Variants in SDR42E2 observed in about 807,000 individuals in gnomAD.
SDR42E2 encodes putative short-chain dehydrogenase/reductase family 42E member 2.
Under a neutral mutation model 10.5 loss-of-function variants are expected in SDR42E2, and 20 were observed. That is an observed-to-expected ratio of 1.90 (90% CI 1.34 to 2.77). The LOEUF (loss-of-function observed/expected upper bound fraction) is 2.77, where lower values mean the gene tolerates loss of function less well. Ranked by LOEUF, SDR42E2 falls within the 30% of genes most tolerant of loss-of-function variation. The pLI is 0.00. For synonymous variants in SDR42E2, 72 were observed against 39.2 expected, an observed-to-expected ratio of 1.84 and a Z score of -3.12; for missense variants, 162 against 104.2, an observed-to-expected ratio of 1.55 and a Z score of -2.42.
At chr16:22,179,883 T>C (rs2046678559) in intron 8 of SDR42E2, among the ~76,000 whole-genome samples, 1 of 150,326 alleles carries the variant, frequency 6.7e-6, no homozygotes, top group Admixed American at 6.6e-5. Flanking sequence ...GGTGAGGGAA[T>C]TGGGCTTGTC....
intron 7 of SDR42E2, among the ~76,000 whole-genome samples, chr16:22,173,071 T>A (rs1388637676): frequency 1.3e-5 from 2 of 152,126 alleles, no homozygotes; most frequent in African/African-American, 2.4e-5. Context: ...TGAGCCACCA[T>A]GCCTGGCCTT....
At chr16:22,164,506 CTA>C (rs2046519973) in intron 1 of SDR42E2, among the ~76,000 whole-genome samples, 1 of 152,148 alleles carries the variant, frequency 6.6e-6, no homozygotes, top group African/African-American at 2.4e-5. Flanking sequence ...CTGCAGTGAG[CTA>C]TGATTGTGCC....
At position 22,177,765 on chromosome 16, in the gene SDR42E2, A is replaced by G. The variant is rs971745829; in HGVS notation, c.590-365A>G. On this transcript the variant is annotated intron_variant, in intron 7 of 12. Transcript: ENST00000602312. ...ACAGTAGTACTCTCAAGGGGCATCA[A>G]AGAAAATCACTCTGCCGAGTGCTTG... Among the ~76,000 whole-genome samples the G allele has an allele frequency of 2.6e-5, 4 of 152,202 alleles. No individual in the cohort carries two copies. In the South Asian group the frequency reaches 8.3e-4, roughly 31 times the overall value.
intron 11 of SDR42E2, among the ~76,000 whole-genome samples, chr16:22,185,174 T>G (rs1421526475): frequency 6.6e-6 from 1 of 152,108 alleles, no homozygotes; most frequent in Non-Finnish European, 1.5e-5. Flanking sequence ...AATGGCCTCC[T>G]CCCAGCTGGA....
At chr16:22,189,535 T>C (rs1179145592) in intron 12 of SDR42E2, among the ~76,000 whole-genome samples, 1 of 152,164 alleles carries the variant, frequency 6.6e-6, no homozygotes, top group Admixed American at 6.5e-5. Context: ...ATAGCTATCA[T>C]TACTACCCTT....
rs1237514561 is a variant in SDR42E2 at position 22,178,085 on chromosome 16, G to A, written c.590-45G>A. On this transcript the variant is annotated intron_variant, in intron 7 of 12. Transcript: ENST00000602312. ...TGGCCTCTCTCTCCCTCTCCCTGTG[G>A]GCTGCTCCTCCCCTGACCCCTGACC... 11 of 694,746 alleles carry A rather than the reference G, an allele frequency of 1.6e-5. No individual in the cohort carries two copies. In the East Asian group the frequency reaches 3.0e-4, roughly 19 times the overall value. 43.0% of individuals were successfully genotyped at this position (694,746 alleles called of 1,614,324 possible). A position where few individuals can be genotyped will look rare whatever the true frequency, so the allele number is the denominator to read the frequency against.
intron 12 of SDR42E2, among the ~76,000 whole-genome samples, chr16:22,188,297 A>AG (rs371960651): frequency 7.9e-5 from 12 of 152,262 alleles, no homozygotes; most frequent in African/African-American, 2.9e-4. Context: ...GGGGAGTCAG[A>AG]GGGGGAGAGT....
At chr16:22,172,059 T>A (rs2046605983) in intron 6 of SDR42E2, among the ~76,000 whole-genome samples, 197 bp from the exon 7 acceptor site, 1 of 152,160 alleles carries the variant, frequency 6.6e-6, no homozygotes, top group African/African-American at 2.4e-5. Context: ...CCGAACCCAG[T>A]GCTCCTCTGC....
chr16:22,169,486 C>A lies in SDR42E2; in HGVS notation c.378C>A (p.Thr126=). The change falls in exon 5 of 13, where the codon ACC becomes ACA. Residue 126 remains threonine, a synonymous_variant. Transcript: ENST00000602312. ...TTGAGTCTATAAATGTTGGAGGCAC[C>A]AAACTAGTGATTGATGGTAGGTGCT... ...EQIESINVGG[T]KLVIDVCVRR... The A allele has an allele frequency of 2.8e-6, 2 of 703,544 alleles. No homozygotes were observed. Among genetic ancestry groups the A allele is most frequent in the Non-Finnish European group, 5.2e-6 (2 of 385,128 alleles). The allele number at this position is 703,544 out of a possible 1,614,324, so 43.6% of individuals were successfully genotyped here.
chr16:22,173,250 T>G (rs549371319), intron 7 of SDR42E2, among the ~76,000 whole-genome samples: 1 of 152,288 alleles, frequency 6.6e-6, no homozygotes, highest in East Asian at 1.9e-4. Flanking sequence ...GAAGGAGTAT[T>G]GCTCTGTCAC....
chr16:22,172,722 G>A (rs2046611771), intron 7 of SDR42E2, among the ~76,000 whole-genome samples: 1 of 152,224 alleles, frequency 6.6e-6, no homozygotes, highest in South Asian at 2.1e-4. Context: ...CCTGGCAAGG[G>A]AGAGGCCCAA....
chr16:22,167,004 G>A lies in SDR42E2; in HGVS notation c.336+5G>A. The stretch of plus-strand genomic sequence containing the variant: ...GGAATGTCCGGGGCTGAGAAGGTGG[G>A]CTCCTCACACACAACACCTGGAGTT... On this transcript the variant is annotated splice_donor_5th_base_variant and intron_variant, in intron 4 of 12. Coordinates refer to ENST00000602312, the MANE Select transcript of SDR42E2 (RefSeq NM_001394319.2). 1.4e-6 allele frequency: 1 copy of A among 701,934 alleles called. No homozygotes were observed. The highest frequency in any genetic ancestry group is 2.6e-6 in the Non-Finnish European group (1 of 384,442). The allele number at this position is 701,934 out of a possible 1,614,324, so 43.5% of individuals were successfully genotyped here. A position where few individuals can be genotyped will look rare whatever the true frequency, so the allele number is the denominator to read the frequency against.
At chr16:22,173,903 G>GTATATATATATATATATATATATATATA (rs146432754) in intron 7 of SDR42E2, among the ~76,000 whole-genome samples, 62 of 112,708 alleles carry the variant, frequency 5.5e-4, no homozygotes, top group South Asian at 9.6e-4. Context: ...ATATGTGTGT[G>GTATATATATATATATATATATATATATA]TGTATATATA....
intron 7 of SDR42E2, among the ~76,000 whole-genome samples, chr16:22,174,001 T>C (rs1178624835): frequency 6.7e-6 from 1 of 149,784 alleles, no homozygotes; most frequent in Non-Finnish European, 1.5e-5. Context: ...CTATCTAAAC[T>C]TGAGAGCCAG....
rs1273917009 is a variant in SDR42E2 at position 22,167,180 on chromosome 16, T to G, written c.336+181T>G. 2.4e-4 allele frequency among the ~76,000 whole-genome samples: 26 copies of G among 109,852 alleles called. 2 individuals are homozygous for G. The highest frequency in any genetic ancestry group is 7.7e-4 in the African/African-American group (24 of 31,234). 72.1% of individuals were successfully genotyped at this position (109,852 alleles called of 152,430 possible). A position where few individuals can be genotyped will look rare whatever the true frequency, so the allele number is the denominator to read the frequency against. The stretch of plus-strand genomic sequence containing the variant: ...CAGTTCTGCCATTTTTTTTTTTTTT[T>G]TTTTTTTTTTTTTTTTTTTTTTTGA... On this transcript the variant is annotated intron_variant, in intron 4 of 12. Coordinates refer to ENST00000602312, the MANE Select transcript of SDR42E2 (RefSeq NM_001394319.2).
chr16:22,182,757 T>A (rs1598143710), intron 10 of SDR42E2, among the ~76,000 whole-genome samples: 1 of 152,136 alleles, frequency 6.6e-6, no homozygotes, highest in East Asian at 1.9e-4. Flanking sequence ...CCCAGCACTT[T>A]GGGAGGCTAA....
intron 8 of SDR42E2, among the ~76,000 whole-genome samples, chr16:22,179,775 T>C (rs1483540875): frequency 6.9e-6 from 1 of 145,552 alleles, no homozygotes; most frequent in Non-Finnish European, 1.5e-5. Context: ...ATTGTGCCAT[T>C]GCACTCCAGC....
chr16:22,167,176 T>TG (rs2046550480), intron 4 of SDR42E2, among the ~76,000 whole-genome samples, 177 bp downstream of exon 4: 3 of 104,520 alleles, frequency 2.9e-5, no homozygotes, highest in Non-Finnish European at 6.5e-5. Context: ...TTTTTTTTTT[T>TG]TTTTTTTTTT....
chr16:22,175,947 C>G (rs1164117585), intron 7 of SDR42E2, among the ~76,000 whole-genome samples: 4 of 151,134 alleles, frequency 2.6e-5, no homozygotes, highest in African/African-American at 9.7e-5. Flanking sequence ...GAGCCGAGAT[C>G]GTGCCATTGC....
Sources: gnomAD v4.1 joint callset for allele counts (sites outside exome capture counted in the v4.1 genomes callset) on GRCh38, gnomAD v4.1.1 for gene constraint, MANE v1.5 for transcripts, NCBI Gene and HGNC (gene_info 2026-07-23, HGNC 2026-07-21) for gene names.